DNAJB13: variants seen among roughly 807,000 people sequenced by gnomAD.
DNAJB13 encodes the protein dnaJ homolog subfamily B member 13.
DNAJB13 carries 22 observed loss-of-function variants against 35.6 expected under a neutral mutation model. The ratio of observed to expected loss-of-function variants is 0.62; its 90% CI spans 0.44 to 0.88. DNAJB13 has a LOEUF of 0.88. Ranked by LOEUF, DNAJB13 falls within the 40% of genes least tolerant of loss-of-function variation. The pLI, the probability that DNAJB13 is intolerant of heterozygous loss-of-function variation, is 0.00. For missense variants in DNAJB13, 370 were observed against 384.3 expected, an observed-to-expected ratio of 0.96 and a Z score of 0.31; for synonymous variants, 136 against 144.2, an observed-to-expected ratio of 0.94 and a Z score of 0.41.
intron 5 of DNAJB13, among the ~76,000 whole-genome samples, 186 bp downstream of exon 5, chr11:73,966,437 G>C (rs1010812910): frequency 6.6e-6 from 1 of 152,226 alleles, no homozygotes; most frequent in East Asian, 1.9e-4. Context: ...CAGAGCCTTA[G>C]CCTTACAGTG....
intron 4 of DNAJB13, 78 bp from the exon 5 acceptor site, chr11:73,966,060 C>T: frequency 7.5e-7 from 1 of 1,333,236 alleles, no homozygotes; most frequent in Non-Finnish European, 1.1e-6. Flanking sequence ...CCTGAGTGTT[C>T]ATGAAAATCT....
At chr11:73,958,111 C>G (rs1174875531) in intron 1 of DNAJB13, among the ~76,000 whole-genome samples, 2 of 152,220 alleles carry the variant, frequency 1.3e-5, no homozygotes, top group African/African-American at 2.4e-5. Flanking sequence ...CCCAGGGGGG[C>G]AGCTGCTGGA....
chr11:73,965,187 A>T, intron 4 of DNAJB13, 152 bp downstream of exon 4: 1 of 913,474 alleles, frequency 1.1e-6, no homozygotes, highest in Non-Finnish European at 1.6e-6. Flanking sequence ...GAATTCCGGA[A>T]TCTGAAATTC....
At position 73,958,414 on chromosome 11, in the gene DNAJB13, A is replaced by C; in HGVS notation, c.166A>C (p.Ser56Arg). 1 of 1,614,056 alleles carries C rather than the reference A, an allele frequency of 6.2e-7. No homozygotes were observed. The highest frequency in any genetic ancestry group is 8.5e-7 in the Non-Finnish European group (1 of 1,179,932). ...AATAGCAGAGGCCTACGACGTGCTG[A>C]GTGACCGTGAGTAGGTGTGGGGCTG... ...RQIAEAYDVL[S>R]DPMKRGIYDK... The change falls in exon 2 of 8, where the codon AGT (serine) becomes CGT (arginine). Residue 56 changes from serine (S) to arginine (R), a missense_variant. Ser to Arg is a moderately radical substitution (Grantham distance 110). Coordinates refer to ENST00000339764, the MANE Select transcript of DNAJB13 (RefSeq NM_153614.4).
chr11:73,968,089 C>T (rs1951170787), intron 5 of DNAJB13: 1 of 498,990 alleles, frequency 2.0e-6, no homozygotes, highest in Admixed American at 3.5e-5. Flanking sequence ...GAGGAAGCCT[C>T]TCCGCCCCTC....
At chr11:73,956,886 G>C (rs1950759671) in intron 1 of DNAJB13, among the ~76,000 whole-genome samples, 1 of 152,072 alleles carries the variant, frequency 6.6e-6, no homozygotes, top group Non-Finnish European at 1.5e-5. Context: ...TAGGCACTTG[G>C]AGGTAGTCTT....
At chr11:73,966,482 T>C (rs969183641) in intron 5 of DNAJB13, among the ~76,000 whole-genome samples, 1 of 152,076 alleles carries the variant, frequency 6.6e-6, no homozygotes, top group African/African-American at 2.4e-5. Context: ...ACTGTCCCCA[T>C]TTTACAGAGT....
Position 73,959,628 on chromosome 11 carries a change from T to C in DNAJB13, c.307T>C (p.Phe103Leu). 3 of 1,614,134 alleles carry C rather than the reference T, an allele frequency of 1.9e-6. No homozygotes were observed. The South Asian group carries it at 3.3e-5, about 18-fold the overall frequency. Residue 103 changes from phenylalanine to leucine, a missense_variant, in exon 3 of 8, where the codon TTC (phenylalanine) becomes CTC (leucine). Coordinates refer to ENST00000339764, the MANE Select transcript of DNAJB13 (RefSeq NM_153614.4). ...HGKPEKVFHE[F>L]FGGNNPFSEF... ...CAAACCTGAAAAGGTGTTCCACGAG[T>C]TCTTTGGTGGAAACAACCCCTTCAG...
intron 1 of DNAJB13, among the ~76,000 whole-genome samples, chr11:73,956,210 G>A (rs1398618875): frequency 6.6e-6 from 1 of 152,170 alleles, no homozygotes; most frequent in Non-Finnish European, 1.5e-5. Context: ...AAGGTGCTGG[G>A]GACTTGGGAA....
chr11:73,967,784 C>T (rs943509888), intron 5 of DNAJB13, among the ~76,000 whole-genome samples: 3 of 152,146 alleles, frequency 2.0e-5, no homozygotes, highest in Admixed American at 6.5e-5. Flanking sequence ...AAAACATCTA[C>T]TTCGAATAAA....
chr11:73,956,803 C>CAAA lies in DNAJB13; in HGVS notation c.69-1496_69-1494dup, dbSNP rs1163341948. Among the ~76,000 whole-genome samples, 301 of 75,874 alleles carry CAAA rather than the reference C, an allele frequency of 4.0e-3. 4 individuals carry two copies. Among genetic ancestry groups the CAAA allele is most frequent in the African/African-American group, 0.012 (275 of 22,232 alleles). The allele number at this position is 75,874 out of a possible 152,430, so 49.8% of individuals were successfully genotyped here. On this transcript the variant is annotated intron_variant, in intron 1 of 7. Transcript: ENST00000339764. ...GGGCAACAAGAGAGAAACTCCATCTCAAAAAAAAAAAAAAAAAAAAGTATA... is the reference window on the plus strand; with the variant it reads ...GGGCAACAAGAGAGAAACTCCATCTCAAAAAAAAAAAAAAAAAAAAAAAGTATA...
chr11:73,964,798 T>TGC, intron 3 of DNAJB13, 80 bp from the exon 4 acceptor site: 1 of 1,051,798 alleles, frequency 9.5e-7, no homozygotes, highest in South Asian at 1.3e-5. Context: ...TGTGTGTGTG[T>TGC]GTGTGTGTGT....
chr11:73,956,356 C>T (rs751289434), intron 1 of DNAJB13, among the ~76,000 whole-genome samples: 1 of 152,084 alleles, frequency 6.6e-6, no homozygotes, highest in Non-Finnish European at 1.5e-5. Context: ...GTGAGTCATG[C>T]AGGAGAGGTC....
chr11:73,967,885 G>T, intron 5 of DNAJB13: 1 of 213,822 alleles, frequency 4.7e-6, no homozygotes, highest in East Asian at 1.0e-4. Context: ...TGTCTTGAGC[G>T]TGCTGAGGAT....
chr11:73,965,024 A>G lies in DNAJB13; in HGVS notation c.481A>G (p.Ile161Val). ...CTTTGGCTGCACCAAAAAAATTAAG[A>G]TCTCCAGAAGGGTGAGTACTCAGCT... is the stretch of plus-strand genomic sequence containing the variant. The part of the protein sequence containing the change: ...LFFGCTKKIK[I>V]SRRVLNEDGY... The change falls in exon 4 of 8, where the codon ATC (isoleucine) becomes GTC (valine). Residue 161 changes from isoleucine to valine, a missense_variant. Transcript: ENST00000339764. 6.3e-7 allele frequency: 1 copy of G among 1,590,324 alleles called. No homozygotes were observed. Among genetic ancestry groups the G allele is most frequent in the Admixed American group, 1.8e-5 (1 of 55,296 alleles).
chr11:73,961,575 C>T (rs1950933389), intron 3 of DNAJB13, among the ~76,000 whole-genome samples: 1 of 152,210 alleles, frequency 6.6e-6, no homozygotes, highest in South Asian at 2.1e-4. Flanking sequence ...CAACAGTGCC[C>T]ACCAGCTCCA....
At chr11:73,951,498 G>T (rs1950583605) in intron 1 of DNAJB13, among the ~76,000 whole-genome samples, 1 of 152,164 alleles carries the variant, frequency 6.6e-6, no homozygotes, top group South Asian at 2.1e-4. Flanking sequence ...CAGGCCAGAT[G>T]GATGTTTTAA....
intron 3 of DNAJB13, among the ~76,000 whole-genome samples, chr11:73,962,058 G>A (rs1411500711): frequency 3.9e-5 from 6 of 152,184 alleles, no homozygotes; most frequent in African/African-American, 1.2e-4. Context: ...CTCCCAAAGT[G>A]CTGGGATTAT....
intron 1 of DNAJB13, among the ~76,000 whole-genome samples, chr11:73,956,321 A>G (rs1219608418): frequency 6.6e-6 from 1 of 152,138 alleles, no homozygotes; most frequent in Non-Finnish European, 1.5e-5. Flanking sequence ...AATTGCCCAG[A>G]GAAGCTGGGA....
Sources: allele counts gnomAD v4.1 joint callset (sites outside exome capture counted in the v4.1 genomes callset), GRCh38; gene constraint gnomAD v4.1.1; transcripts MANE v1.5; gene names NCBI Gene and HGNC (gene_info 2026-07-23, HGNC 2026-07-21).